TMEM132D: variants seen among roughly 807,000 people sequenced by gnomAD.
TMEM132D encodes the protein mature OL transmembrane protein.
In TMEM132D, 21 loss-of-function variants were observed where a neutral mutation model predicts 62.3. The ratio of observed to expected loss-of-function variants is 0.34; its 90% CI spans 0.24 to 0.49. The LOEUF (loss-of-function observed/expected upper bound fraction) is 0.49. TMEM132D is among the 20% of genes least tolerant of loss of function. The pLI, the probability that TMEM132D is intolerant of heterozygous loss-of-function variation, is 0.99. For synonymous variants in TMEM132D, 621 were observed against 575.6 expected (o/e 1.08, Z -1.13); for missense variants, 1,346 against 1,402.8 (o/e 0.96, Z 0.65).
At chr12:129,832,400 T>C (rs1160751338) in intron 1 of TMEM132D, among the ~76,000 whole-genome samples, 1 of 151,924 alleles carries the variant, frequency 6.6e-6, no homozygotes, top group African/African-American at 2.4e-5. Flanking sequence ...ATATATTATA[T>C]TCTATAACAT....
At chr12:129,694,172 G>A (rs910753888) in intron 2 of TMEM132D, among the ~76,000 whole-genome samples, 1 of 152,152 alleles carries the variant, frequency 6.6e-6, no homozygotes, top group Admixed American at 6.5e-5. Context: ...CACAGCAGCC[G>A]TCAGCCCTGG....
chr12:129,167,919 C>T (rs191944017), intron 5 of TMEM132D, among the ~76,000 whole-genome samples: 56 of 151,948 alleles, frequency 3.7e-4, no homozygotes, highest in African/African-American at 9.6e-4. Context: ...CTGTCACCAT[C>T]GAGAAATGTT....
intron 2 of TMEM132D, among the ~76,000 whole-genome samples, chr12:129,695,181 G>T (rs1356655568): frequency 2.0e-5 from 3 of 152,142 alleles, no homozygotes; most frequent in Non-Finnish European, 4.4e-5. Flanking sequence ...AGTTCCAGGA[G>T]ACATGACCCC....
At chr12:129,097,527 A>G (rs576962541) in intron 5 of TMEM132D, among the ~76,000 whole-genome samples, 70 of 152,386 alleles carry the variant, frequency 4.6e-4, no homozygotes, top group African/African-American at 1.4e-3. Context: ...GAGTATATGT[A>G]GCATCTTCCA....
At chr12:129,100,328 G>A (rs952366029) in intron 5 of TMEM132D, among the ~76,000 whole-genome samples, 12 of 152,288 alleles carry the variant, frequency 7.9e-5, no homozygotes, top group African/African-American at 2.9e-4. Flanking sequence ...GTGAGCCACC[G>A]TGCATGGCCA....
intron 3 of TMEM132D, among the ~76,000 whole-genome samples, chr12:129,474,175 G>A (rs1354287218): frequency 6.6e-6 from 1 of 152,192 alleles, no homozygotes; most frequent in Non-Finnish European, 1.5e-5. Context: ...TCAAAGGCAT[G>A]TGCATTGTCA....
Position 129,694,863 on chromosome 12 carries a change from C to A in TMEM132D, c.968+4947G>T, listed in dbSNP as rs1881159532. 3.3e-5 allele frequency among the ~76,000 whole-genome samples: 5 copies of A among 152,222 alleles called. No homozygotes were observed. The South Asian group carries it at 1.0e-3, about 32-fold the overall frequency. On this transcript the variant is annotated intron_variant, in intron 2 of 8. Transcript: ENST00000422113. ...CTCTACTAAAAATACAAAAAATTAG[C>A]CAGGCATGGCGATGTGAGCCTTTAA...
chr12:129,087,872 C>CA (rs1555228558), intron 5 of TMEM132D, among the ~76,000 whole-genome samples: 1 of 132,092 alleles, frequency 7.6e-6, no homozygotes, highest in African/African-American at 3.3e-5. Flanking sequence ...CCTCCATGAC[C>CA]GGGTGTCCTC....
At chr12:129,804,754 CCT>C (rs1216786618) in intron 1 of TMEM132D, among the ~76,000 whole-genome samples, 1 of 91,146 alleles carries the variant, frequency 1.1e-5, no homozygotes, top group Admixed American at 1.3e-4. Flanking sequence ...TCAAGTTGTC[CCT>C]GTTTGCAGAC....
chr12:129,693,429 C>T (rs1335489750), intron 2 of TMEM132D, among the ~76,000 whole-genome samples: 1 of 152,172 alleles, frequency 6.6e-6, no homozygotes, highest in Non-Finnish European at 1.5e-5. Flanking sequence ...AGCTATATTG[C>T]CCTCAAGGGG....
chr12:129,090,563 A>G (rs1874873986), intron 5 of TMEM132D, among the ~76,000 whole-genome samples: 1 of 152,092 alleles, frequency 6.6e-6, no homozygotes, highest in Non-Finnish European at 1.5e-5. Flanking sequence ...AGCTATTCAG[A>G]AGGCTGAGGC....
chr12:129,819,174 G>A (rs1425004071), intron 1 of TMEM132D, among the ~76,000 whole-genome samples: 3 of 152,122 alleles, frequency 2.0e-5, no homozygotes, highest in African/African-American at 7.2e-5. Flanking sequence ...GAGAACACGC[G>A]CTTAGAGTGG....
intron 5 of TMEM132D, among the ~76,000 whole-genome samples, chr12:129,150,655 C>T (rs77750139): frequency 0.014 from 2,086 of 152,310 alleles, 54 homozygotes; most frequent in African/African-American, 0.048. Flanking sequence ...AGAGCTTGTG[C>T]TCCTGACCCT....
Position 129,236,653 on chromosome 12 carries a change from T to C in TMEM132D, c.1300-26990A>G, listed in dbSNP as rs548940291. On this transcript the variant is annotated intron_variant, in intron 4 of 8. Coordinates refer to ENST00000422113, the MANE Select transcript of TMEM132D (RefSeq NM_133448.3). ...TGGCGTCTTTAGGGTTATCTATATATAAGGTCATGTCATTTGCAGAGACAA... is the reference window on the plus strand; with the variant it reads ...TGGCGTCTTTAGGGTTATCTATATACAAGGTCATGTCATTTGCAGAGACAA... Among the ~76,000 whole-genome samples, 150 of 152,292 alleles carry C rather than the reference T, an allele frequency of 9.8e-4. No homozygotes were observed. The South Asian group carries it at 0.012, about 12-fold the overall frequency.
intron 2 of TMEM132D, among the ~76,000 whole-genome samples, chr12:129,566,741 C>T (rs1269645304): frequency 1.3e-5 from 2 of 152,134 alleles, no homozygotes; most frequent in African/African-American, 4.8e-5. Flanking sequence ...AAGAGCCTGG[C>T]ACCATTTTAT....
chr12:129,660,152 T>C (rs908905708), intron 2 of TMEM132D, among the ~76,000 whole-genome samples: 3 of 151,980 alleles, frequency 2.0e-5, no homozygotes, highest in East Asian at 1.9e-4. Flanking sequence ...ACTCATGTAT[T>C]GTAAAAGAGA....
chr12:129,138,578 G>A (rs58654975), intron 5 of TMEM132D, among the ~76,000 whole-genome samples: 35,505 of 151,892 alleles, frequency 0.23, 4,315 homozygotes, highest in South Asian at 0.35. Context: ...AAAATTAGCC[G>A]GGTGTGGTGG....
intron 4 of TMEM132D, among the ~76,000 whole-genome samples, chr12:129,244,352 C>T (rs1221259638): frequency 2.1e-5 from 3 of 142,388 alleles, no homozygotes; most frequent in South Asian, 2.3e-4. Flanking sequence ...CGCCACTGCA[C>T]TCCAGCCTGG....
chr12:129,858,545 A>G lies in TMEM132D; in HGVS notation c.79+44716T>C, dbSNP rs367913007. Among the ~76,000 whole-genome samples the G allele has an allele frequency of 1.9e-3, 60 of 32,030 alleles. 1 individual carries two copies. The highest frequency in any genetic ancestry group is 2.6e-3 in the Admixed American group (8 of 3,132). The allele number at this position is 32,030 out of a possible 152,430, so 21.0% of individuals were successfully genotyped here. ...GGAACGGGATGGGTGCCCTTGTAAC[A>G]GAGTCCGGGGGAACGGGATGGGTGC... is the stretch of plus-strand genomic sequence containing the variant. On this transcript the variant is annotated intron_variant, in intron 1 of 8. Coordinates refer to ENST00000422113, the MANE Select transcript of TMEM132D (RefSeq NM_133448.3).
Sources: allele counts gnomAD v4.1 joint callset (sites outside exome capture counted in the v4.1 genomes callset), GRCh38; gene constraint gnomAD v4.1.1; transcripts MANE v1.5; gene names NCBI Gene and HGNC (gene_info 2026-07-23, HGNC 2026-07-21).